Variants in NXPE2 observed in about 807,000 individuals in gnomAD.
NXPE2 encodes NXPE family member 2.
In NXPE2, 34 loss-of-function variants were observed where a neutral mutation model predicts 34.4. The observed-to-expected ratio is 0.99, with a 90% CI of 0.75 to 1.31. The LOEUF (loss-of-function observed/expected upper bound fraction) is 1.31, where lower values mean the gene tolerates loss of function less well. NXPE2 is among the 40% of genes most tolerant of loss of function. The probability of loss-of-function intolerance (pLI) is 0.00; values close to 1 mark genes in which losing one functional copy is unlikely to be tolerated. For missense variants in NXPE2, 649 were observed against 672.5 expected (o/e 0.97, Z 0.39); for synonymous variants, 235 against 231.3 (o/e 1.02, Z -0.15).
chr11:114,539,265 A>AC, the NXPE2 span, among the ~76,000 whole-genome samples: 1 of 133,444 alleles, frequency 7.5e-6, no homozygotes, highest in Non-Finnish European at 1.6e-5. Flanking sequence ...GGGGAACATC[A>AC]CACACTGGGG....
chr11:114,669,609 C>A, the NXPE2 span, among the ~76,000 whole-genome samples: 1 of 152,050 alleles, frequency 6.6e-6, no homozygotes, highest in Non-Finnish European at 1.5e-5. Flanking sequence ...ATTCTCACTT[C>A]AGCTCACTGG....
the NXPE2 span, among the ~76,000 whole-genome samples, chr11:114,553,079 A>G: frequency 1.3e-5 from 2 of 152,090 alleles, no homozygotes; most frequent in African/African-American, 2.4e-5. Context: ...AATCTCCACC[A>G]TGCTTCCTGG....
At chr11:114,571,595 T>C in the NXPE2 span, 13 of 936,010 alleles carry the variant, frequency 1.4e-5, no homozygotes, top group Non-Finnish European at 1.9e-5. Context: ...TAATTTATTA[T>C]AGGTTTAGAT....
the NXPE2 span, among the ~76,000 whole-genome samples, chr11:114,498,224 AAG>A: frequency 5.9e-5 from 9 of 152,014 alleles, no homozygotes; most frequent in African/African-American, 2.2e-4. Context: ...CCGTATAGAG[AAG>A]AATCACTTGA....
At chr11:114,645,165 G>C in the NXPE2 span, among the ~76,000 whole-genome samples, 1 of 152,056 alleles carries the variant, frequency 6.6e-6, no homozygotes, top group Non-Finnish European at 1.5e-5. Context: ...AGCTGGGCGT[G>C]ATGGCGTGCA....
the NXPE2 span, among the ~76,000 whole-genome samples, chr11:114,533,850 C>T: frequency 6.6e-6 from 1 of 152,240 alleles, no homozygotes; most frequent in Non-Finnish European, 1.5e-5. Context: ...TTAGGCTCCA[C>T]CTCTGGGGGC....
the NXPE2 span, among the ~76,000 whole-genome samples, chr11:114,590,003 T>G: frequency 6.6e-6 from 1 of 152,240 alleles, no homozygotes; most frequent in African/African-American, 2.4e-5. Flanking sequence ...TTCTGCATAC[T>G]GTTACATCCT....
chr11:114,676,772 A>C (rs76374238), upstream of NXPE2, among the ~76,000 whole-genome samples: 1 of 152,050 alleles, frequency 6.6e-6, no homozygotes, highest in African/African-American at 2.4e-5. Context: ...TCCAAAGGAA[A>C]AGAAGTCAGT....
At chr11:114,572,498 GAAAT>G in the NXPE2 span, among the ~76,000 whole-genome samples, 1 of 152,096 alleles carries the variant, frequency 6.6e-6, no homozygotes, top group South Asian at 2.1e-4. Flanking sequence ...ATTCTTCAGT[GAAAT>G]AGATAGTATA....
At chr11:114,795,101 GT>G in the NXPE2 span, among the ~76,000 whole-genome samples, 1 of 152,202 alleles carries the variant, frequency 6.6e-6, no homozygotes, top group Non-Finnish European at 1.5e-5. Context: ...ATCAATGGTA[GT>G]TTTTGCCCTA....
chr11:114,506,112 TAAAAA>T, the NXPE2 span, among the ~76,000 whole-genome samples: 49,167 of 134,482 alleles, frequency 0.37, 8,546 homozygotes, highest in East Asian at 0.62. Flanking sequence ...CAAGAAATAT[TAAAAA>T]AAAAAAAAAA....
chr11:114,674,866 C>G (rs2135521528), upstream of NXPE2, among the ~76,000 whole-genome samples: 1 of 151,862 alleles, frequency 6.6e-6, no homozygotes, highest in East Asian at 1.9e-4. Flanking sequence ...TAATTATAGA[C>G]TATCATCCCT....
chr11:114,504,468 G>A, the NXPE2 span, among the ~76,000 whole-genome samples: 6 of 152,120 alleles, frequency 3.9e-5, no homozygotes, highest in Admixed American at 1.3e-4. Flanking sequence ...TGTGGTGAAC[G>A]CCCACCAGGG....
chr11:114,687,394 G>A (rs1951068342), intron 2 of NXPE2, among the ~76,000 whole-genome samples: 1 of 151,834 alleles, frequency 6.6e-6, no homozygotes, highest in Non-Finnish European at 1.5e-5. Flanking sequence ...GCTTATTTTT[G>A]TTGACTATAT....
At chr11:114,558,745 CATG>C in the NXPE2 span, among the ~76,000 whole-genome samples, 20 of 152,136 alleles carry the variant, frequency 1.3e-4, no homozygotes, top group African/African-American at 4.3e-4. Flanking sequence ...TACAAATTAA[CATG>C]ATCGTTTTGA....
chr11:114,811,188 G>A, the NXPE2 span, among the ~76,000 whole-genome samples: 3 of 120,014 alleles, frequency 2.5e-5, 1 homozygote, highest in East Asian at 2.9e-4. Context: ...ACTGTTGTGG[G>A]GTGGGGGGAG....
chr11:114,694,412 C>T (rs1415957763), intron 2 of NXPE2, among the ~76,000 whole-genome samples: 1 of 152,144 alleles, frequency 6.6e-6, no homozygotes, highest in African/African-American at 2.4e-5. Context: ...AAGTGATATG[C>T]CTAGAGGTAG....
At chr11:114,553,410 C>T in the NXPE2 span, among the ~76,000 whole-genome samples, 4 of 152,086 alleles carry the variant, frequency 2.6e-5, no homozygotes, top group African/African-American at 9.7e-5. Flanking sequence ...GGTTCATATC[C>T]CTGGTCTGAT....
chr11:114,810,100 C>A, the NXPE2 span, among the ~76,000 whole-genome samples: 1 of 147,848 alleles, frequency 6.8e-6, no homozygotes, highest in African/African-American at 2.5e-5. Flanking sequence ...AAAGGATTCC[C>A]TATTTAATAA....
Sources: gnomAD v4.1 joint callset for allele counts (sites outside exome capture counted in the v4.1 genomes callset) on GRCh38, gnomAD v4.1.1 for gene constraint, MANE v1.5 for transcripts, NCBI Gene and HGNC (gene_info 2026-07-23, HGNC 2026-07-21) for gene names.